SNRNP200: variants seen among roughly 807,000 people sequenced by gnomAD.
The protein encoded by SNRNP200 is U5 small nuclear ribonucleoprotein 200 kDa helicase.
A neutral mutation model predicts 255.2 loss-of-function variants in SNRNP200; 66 were observed. That is an observed-to-expected ratio of 0.26 (90% CI 0.21 to 0.32). The LOEUF is 0.32. SNRNP200 is among the 10% of genes least tolerant of loss of function. The pLI, the probability that SNRNP200 is intolerant of heterozygous loss-of-function variation, is 1.00. For missense variants in SNRNP200, 1,585 were observed against 2,749.8 expected (o/e 0.58, Z 9.47); for synonymous variants, 939 against 1,027.8 (o/e 0.91, Z 1.65).
rs2063819527 is a variant in SNRNP200, at chr2:96,283,473, C to T, written c.4763+62G>A. The T allele has an allele frequency of 2.5e-6, 4 of 1,613,116 alleles. No homozygotes were observed. Among genetic ancestry groups the T allele is most frequent in the Non-Finnish European group, 3.4e-6 (4 of 1,179,430 alleles). ...AACCCCACCCTCATAAAGAGGACAC[C>T]CTTGGAGTAGGCCAGCCTCACTTAA... is the stretch of plus-strand genomic sequence containing the variant. On this transcript the variant is annotated intron_variant, in intron 33 of 44. Transcript: ENST00000323853. The surrounding 1 kb of genome is among the most constrained non-coding windows in gnomAD (Gnocchi z 4.7).
At chr2:96,284,810 T>A (rs1573992441) in intron 30 of SNRNP200, 1 of 565,740 alleles carries the variant, frequency 1.8e-6, no homozygotes, top group African/African-American at 1.9e-5. Context: ...AGTGCAGTGG[T>A]GCGAACTTGG....
intron 14 of SNRNP200, among the ~76,000 whole-genome samples, chr2:96,294,413 G>C (rs1055863867): frequency 1.3e-5 from 2 of 152,062 alleles, no homozygotes; most frequent in Non-Finnish European, 2.9e-5. Flanking sequence ...ACTCCAGCCT[G>C]GGCAACAAGA....
chr2:96,297,730 A>G lies in SNRNP200; in HGVS notation c.1120-10T>C, dbSNP rs1018094887. On this transcript the variant is annotated splice_polypyrimidine_tract_variant and intron_variant, in intron 9 of 44. Coordinates refer to ENST00000323853, the MANE Select transcript of SNRNP200 (RefSeq NM_014014.5). The stretch of plus-strand genomic sequence containing the variant: ...TCCGGGACCTTTCCTCCTGTAGTGG[A>G]CAAAGATAAAAATCACAAAAACAAT... 6.2e-7 allele frequency: 1 copy of G among 1,614,124 alleles called. No individual in the cohort carries two copies. Among genetic ancestry groups the G allele is most frequent in the Admixed American group, 1.7e-5 (1 of 60,028 alleles).
chr2:96,283,505 C>T lies in SNRNP200; in HGVS notation c.4763+30G>A, dbSNP rs1223408015. On this transcript the variant is annotated intron_variant, in intron 33 of 44. Coordinates refer to ENST00000323853, the MANE Select transcript of SNRNP200 (RefSeq NM_014014.5). This position sits in a 1 kb window ranked among gnomAD's most constrained non-coding sequence, Gnocchi z 4.7. ...GTAGGCCAGCCTCACTTAACCTAACCCCAACCCCCAGACGCCAGGCCCCAC... is the reference window on the plus strand; with the variant it reads ...GTAGGCCAGCCTCACTTAACCTAACTCCAACCCCCAGACGCCAGGCCCCAC... The T allele has an allele frequency of 1.2e-6, 2 of 1,613,928 alleles. No individual in the cohort carries two copies. Among genetic ancestry groups the T allele is most frequent in the Non-Finnish European group, 1.7e-6 (2 of 1,180,010 alleles).
At position 96,305,251 on chromosome 2, in the gene SNRNP200, T is replaced by C. The variant is rs963128200; in HGVS notation, c.45+142A>G. ...CCAGTAGGTTATTCACGTCATCGTA[T>C]AACCCCCACCTTCACCCCGATTCCA... is the stretch of plus-strand genomic sequence containing the variant. On this transcript the variant is annotated intron_variant, in intron 1 of 44. Transcript: ENST00000323853. The C allele has an allele frequency of 2.7e-6, 3 of 1,125,324 alleles. No homozygotes were observed. In the African/African-American group the frequency reaches 4.6e-5, roughly 17 times the overall value. 69.7% of individuals were successfully genotyped at this position (1,125,324 alleles called of 1,614,324 possible).
chr2:96,300,290 T>C (rs2063944156), intron 5 of SNRNP200, among the ~76,000 whole-genome samples: 2 of 152,220 alleles, frequency 1.3e-5, no homozygotes, highest in Non-Finnish European at 2.9e-5. Flanking sequence ...GTACAAACTA[T>C]GTCTGTGCTC....
Position 96,279,474 on chromosome 2 carries a change from T to C in SNRNP200, c.5110A>G (p.Ile1704Val). 1.2e-6 allele frequency: 2 copies of C among 1,613,946 alleles called. No homozygotes were observed. Among genetic ancestry groups the C allele is most frequent in the Non-Finnish European group, 1.7e-6 (2 of 1,179,800 alleles). ...ACCTTCTTGGAGCCCTGACACATGA[T>C]GACACAGCGCCCCTCATCGTCCTGC... ...PLQDDEGRCV[I>V]MCQGSKKDFF... The change falls in exon 36 of 45, where the codon ATC (isoleucine) becomes GTC (valine). Residue 1704 changes from isoleucine to valine, a missense_variant. Ile to Val is a conservative substitution (Grantham distance 29). Around this residue, in one of 9 missense-constraint regions of SNRNP200, gnomAD observed 719 missense variants for 1,091.1 expected, o/e 0.66. Transcript: ENST00000323853.
chr2:96,292,903 C>T (rs185293521), intron 16 of SNRNP200, 69 bp downstream of exon 16: 3 of 1,561,920 alleles, frequency 1.9e-6, no homozygotes, highest in East Asian at 4.5e-5. Flanking sequence ...TGTCAATCTT[C>T]CCCAATTATT....
chr2:96,284,725 T>TA (rs770395353), intron 30 of SNRNP200, 140 bp from the exon 31 acceptor site: 22 of 684,246 alleles, frequency 3.2e-5, no homozygotes, highest in Non-Finnish European at 5.2e-5. Flanking sequence ...GCAGCCTCTA[T>TA]GCGATGCGAT....
chr2:96,291,399 T>C lies in SNRNP200; in HGVS notation c.2414A>G (p.His805Arg). 6.3e-7 allele frequency: 1 copy of C among 1,592,258 alleles called. No individual in the cohort carries two copies. The highest frequency in any genetic ancestry group is 8.6e-7 in the Non-Finnish European group (1 of 1,160,114). ...CGCTTTGCACCCCCTCACCTGAATATGTTTATCAGCAAAAAGATCCTCCAC... is the reference window on the plus strand; with the variant it reads ...CGCTTTGCACCCCCTCACCTGAATACGTTTATCAGCAAAAAGATCCTCCAC... ...TLVEDLFADK[H>R]IQVLVSTATL... The change falls in exon 18 of 45, where the codon CAT (histidine) becomes CGT (arginine). Residue 805 changes from histidine to arginine, a missense_variant. Transcript: ENST00000323853. The surrounding 1 kb of genome is among the most constrained non-coding windows in gnomAD (Gnocchi z 4.2).
chr2:96,274,780 A>AG lies in SNRNP200; in HGVS notation c.*231dup. On this transcript the variant is annotated 3_prime_UTR_variant, in exon 45 of 45. Coordinates refer to ENST00000323853, the MANE Select transcript of SNRNP200 (RefSeq NM_014014.5). ...GAATGTCAGACTCAAAAGAACTACCAGGAACATGCCTGAAAATGCTATATA... is the reference window on the plus strand; with the variant it reads ...GAATGTCAGACTCAAAAGAACTACCAGGGAACATGCCTGAAAATGCTATATA... The AG allele has an allele frequency of 1.7e-6, 1 of 577,628 alleles. No individual in the cohort carries two copies. 35.8% of individuals were successfully genotyped at this position (577,628 alleles called of 1,614,324 possible).
In SNRNP200 at chr2:96,288,653, C is replaced by T. The variant is rs371518449; in HGVS notation, c.3258+10G>A. 5 of 1,612,732 alleles carry T rather than the reference C, an allele frequency of 3.1e-6. No homozygotes were observed. In the African/African-American group the frequency reaches 5.3e-5, roughly 17 times the overall value. ...CCCTTCTCACAGCTGCCATACAACT[C>T]CGCTCTCACCTGTGTGACATACACC... On this transcript the variant is annotated intron_variant, in intron 24 of 44. Transcript: ENST00000323853.
At position 96,297,636 on chromosome 2, in the gene SNRNP200, C is replaced by A; in HGVS notation, c.1203+1G>T. On this transcript the variant is annotated splice_donor_variant, in intron 10 of 44. Transcript: ENST00000323853. LOFTEE classifies it high-confidence loss of function. ...GGGAAATAAATCGCCCTGGATCCTA[C>A]CTCTCCACCCTGGTCGAGATCCATG... 2 of 1,614,228 alleles carry A rather than the reference C, an allele frequency of 1.2e-6. No homozygotes were observed. The highest frequency in any genetic ancestry group is 1.7e-6 in the Non-Finnish European group (2 of 1,180,034).
At position 96,286,163 on chromosome 2, in the gene SNRNP200, G is replaced by C. The variant is rs1166977225; in HGVS notation, c.4003+148C>G. The stretch of plus-strand genomic sequence containing the variant: ...AAGCAACCAAAGGCTTCTGACAAAG[G>C]AAAAAGTCCTGGTGGGTCCCAGCGG... On this transcript the variant is annotated intron_variant, in intron 29 of 44. Transcript: ENST00000323853. The surrounding 1 kb of genome is among the most constrained non-coding windows in gnomAD (Gnocchi z 4.8). 1.2e-6 allele frequency: 1 copy of C among 808,936 alleles called. No individual in the cohort carries two copies. The highest frequency in any genetic ancestry group is 2.1e-6 in the Non-Finnish European group (1 of 466,820). 50.1% of individuals were successfully genotyped at this position (808,936 alleles called of 1,614,324 possible).
Position 96,298,832 on chromosome 2 carries a change from C to T in SNRNP200, c.865G>A (p.Val289Ile). The change falls in exon 7 of 45, where the codon GTA (valine) becomes ATA (isoleucine). Residue 289 changes from valine to isoleucine, a missense_variant. Transcript: ENST00000323853. ...GGCCATACCTTCAAAATCTCCAATA[C>T]TTCATCTGCCTTCTTCTGCGACACG... is the stretch of plus-strand genomic sequence containing the variant. ...AIVSQKKADE[V>I]LEILKTASDD... 6.2e-7 allele frequency: 1 copy of T among 1,614,178 alleles called. No homozygotes were observed. Among genetic ancestry groups the T allele is most frequent in the Non-Finnish European group, 8.5e-7 (1 of 1,180,036 alleles).
In SNRNP200 at chr2:96,303,285, C is replaced by T. The variant is rs1026222680; in HGVS notation, c.255G>A (p.Lys85=). 1.2e-6 allele frequency: 2 copies of T among 1,614,076 alleles called. No individual in the cohort carries two copies. The highest frequency in any genetic ancestry group is 1.3e-5 in the African/African-American group (1 of 74,912). The change falls in exon 3 of 45, where the codon AAG becomes AAA. Residue 85 remains lysine (K), a synonymous_variant. Transcript: ENST00000323853. ...DEDRHDINKM[K]GYTLLSEGID... is the part of the protein sequence containing the mutation. ...TGCCCTCCGACAGCAGAGTATAACC[C>T]TTCATCTTGTTGATGTCATGCCGGT...
chr2:96,292,835 T>G, intron 16 of SNRNP200, 137 bp downstream of exon 16: 1 of 975,630 alleles, frequency 1.0e-6, no homozygotes, highest in African/African-American at 1.6e-5. Context: ...TCTGTAGTAA[T>G]ATCCCATTTC....
rs146414107 is a variant in SNRNP200, at chr2:96,275,015, A to G, written c.6408T>C (p.Asp2136=). 3.8e-5 allele frequency: 62 copies of G among 1,613,948 alleles called. 1 individual carries two copies. In the Middle Eastern group the frequency reaches 5.0e-4, roughly 13 times the overall value. Residue 2136 remains aspartate, a synonymous_variant, in exon 45 of 45, where the codon GAT becomes GAC. Coordinates refer to ENST00000323853, the MANE Select transcript of SNRNP200 (RefSeq NM_014014.5). ...VKEAETDSDS[D] is the part of the protein sequence containing the mutation. ...CCAAAAGTAAATGCCTCAGGACTCA[A>G]TCTGAATCACTGTCTGTCTCAGCTT...
intron 23 of SNRNP200, 124 bp downstream of exon 23, chr2:96,288,913 T>C: frequency 9.3e-7 from 1 of 1,073,446 alleles, no homozygotes; most frequent in Non-Finnish European, 1.4e-6. Flanking sequence ...GCGAGAAGGC[T>C]GCAAAAACTA....
Sources: gnomAD v4.1 joint callset for allele counts (sites outside exome capture counted in the v4.1 genomes callset) on GRCh38, gnomAD v4.1.1 for gene constraint, gnomAD v4.1.1 regional missense constraint, Gnocchi (gnomAD v3.1) non-coding constraint, MANE v1.5 for transcripts, NCBI Gene and HGNC (gene_info 2026-07-23, HGNC 2026-07-21) for gene names.